The following ITPR1 variants were observed in gnomAD, a reference collection of about 807,000 sequenced individuals.
ITPR1 encodes the protein inositol 1,4,5-trisphosphate-gated calcium channel ITPR1.
In ITPR1, 96 loss-of-function variants were observed where a neutral mutation model predicts 318.4. The ratio of observed to expected loss-of-function variants is 0.30; its 90% CI spans 0.26 to 0.36. ITPR1 has a LOEUF of 0.36. Ranked by LOEUF, ITPR1 falls within the 10% of genes least tolerant of loss-of-function variation. ITPR1 has a pLI of 1.00. For missense variants in ITPR1, 2,440 were observed against 3,460.2 expected (o/e 0.71, Z 7.40); for synonymous variants, 1,312 against 1,289.9 (o/e 1.02, Z -0.37).
intron 40 of ITPR1, among the ~76,000 whole-genome samples, chr3:4,723,628 C>G (rs956579147): frequency 2.6e-5 from 4 of 151,452 alleles, no homozygotes; most frequent in African/African-American, 9.7e-5. Context: ...CTTCTCTGGA[C>G]AAAGAGAGCA....
intron 3 of ITPR1, among the ~76,000 whole-genome samples, chr3:4,520,715 C>T (rs2082497270): frequency 6.6e-6 from 1 of 152,226 alleles, no homozygotes; most frequent in South Asian, 2.1e-4. Flanking sequence ...TTGAATGCAA[C>T]AGCCCCTTGC....
chr3:4,571,338 C>G (rs565996093), intron 4 of ITPR1, among the ~76,000 whole-genome samples: 7 of 151,992 alleles, frequency 4.6e-5, no homozygotes, highest in African/African-American at 1.7e-4. Flanking sequence ...TCTTCTCTTC[C>G]CTTTTTTTCT....
At chr3:4,557,873 T>C (rs2086286796) in intron 4 of ITPR1, among the ~76,000 whole-genome samples, 1 of 152,226 alleles carries the variant, frequency 6.6e-6, no homozygotes, top group Non-Finnish European at 1.5e-5. Flanking sequence ...ATGGTTATTT[T>C]AGCGCTCACT....
intron 34 of ITPR1, among the ~76,000 whole-genome samples, chr3:4,698,284 A>T (rs753985174): frequency 2.0e-4 from 9 of 43,934 alleles, no homozygotes; most frequent in Non-Finnish European, 3.3e-4. Context: ...CTGTATGATT[A>T]CTAGTGTGAG....
Position 4,545,298 on chromosome 3 carries a change from A to G in ITPR1, c.163+24204A>G, listed in dbSNP as rs1001677383. 5.9e-5 allele frequency among the ~76,000 whole-genome samples: 9 copies of G among 152,236 alleles called. No individual in the cohort carries two copies. In the East Asian group the frequency reaches 7.7e-4, roughly 13 times the overall value. ...TGGAAACTTTCCTGTTCTTATTTCT[A>G]TACTTGTATATGGAGGCTGCTTATG... On this transcript the variant is annotated intron_variant, in intron 4 of 61. Coordinates refer to ENST00000649015, the MANE Select transcript of ITPR1 (RefSeq NM_001378452.1).
chr3:4,746,725 C>T (rs1483149208), intron 44 of ITPR1, among the ~76,000 whole-genome samples: 1 of 152,192 alleles, frequency 6.6e-6, no homozygotes, highest in Non-Finnish European at 1.5e-5. Flanking sequence ...GTGGATACTC[C>T]TACTGTATAA....
rs1414635345 is a variant in ITPR1, at chr3:4,826,499, C to T, written c.8028+8257C>T. ...TGAAGAGGGATTTGGCACTGGCTTC[C>T]CGGTGGCTGGAAACAGTGTGTCAGC... On this transcript the variant is annotated intron_variant, in intron 60 of 61. Transcript: ENST00000649015. This position sits in a 1 kb window ranked among gnomAD's most constrained non-coding sequence, Gnocchi z 4.2. 3.3e-5 allele frequency among the ~76,000 whole-genome samples: 5 copies of T among 152,150 alleles called. No individual in the cohort carries two copies. The highest frequency in any genetic ancestry group is 7.2e-5 in the African/African-American group (3 of 41,426).
chr3:4,795,833 A>G (rs779742090), intron 53 of ITPR1, among the ~76,000 whole-genome samples: 1 of 152,168 alleles, frequency 6.6e-6, no homozygotes, highest in African/African-American at 2.4e-5. Flanking sequence ...GACAATTTGG[A>G]GGTGGGCATT....
chr3:4,778,663 G>A (rs1309437265), intron 48 of ITPR1, among the ~76,000 whole-genome samples: 1 of 152,148 alleles, frequency 6.6e-6, no homozygotes, highest in African/African-American at 2.4e-5. Context: ...TTATCAGAAA[G>A]TCCGAAATAA....
chr3:4,687,995 G>A (rs1034994595), intron 30 of ITPR1, among the ~76,000 whole-genome samples: 4 of 152,174 alleles, frequency 2.6e-5, no homozygotes, highest in African/African-American at 4.8e-5. Flanking sequence ...ACTACTCAGC[G>A]TCAGTGAGGA....
chr3:4,804,829 C>T (rs1343910290), intron 54 of ITPR1, among the ~76,000 whole-genome samples: 1 of 152,168 alleles, frequency 6.6e-6, no homozygotes, highest in Non-Finnish European at 1.5e-5. Context: ...TCGGCTTCCT[C>T]GCTTATCTGA....
chr3:4,836,748 T>TAA, intron 60 of ITPR1, 26 bp from the exon 61 acceptor site: 3 of 1,236,378 alleles, frequency 2.4e-6, no homozygotes, highest in South Asian at 5.6e-5. Context: ...TTTTTTTTTT[T>TAA]TTTTTTTTTT....
chr3:4,800,704 T>C, intron 54 of ITPR1, 104 bp downstream of exon 54: 2 of 1,224,926 alleles, frequency 1.6e-6, no homozygotes, highest in South Asian at 2.7e-5. Context: ...GTCCAGAAAA[T>C]TATTGTTTGG....
intron 60 of ITPR1, among the ~76,000 whole-genome samples, chr3:4,821,514 G>T (rs2049716266): frequency 6.6e-6 from 1 of 152,204 alleles, no homozygotes; most frequent in South Asian, 2.1e-4. Context: ...TTTATCTGGG[G>T]CACTGTATTG....
chr3:4,644,273 T>G, intron 8 of ITPR1, 39 bp downstream of exon 8: 1 of 1,426,492 alleles, frequency 7.0e-7, no homozygotes, highest in Non-Finnish European at 9.7e-7. Flanking sequence ...GTGGTTATCC[T>G]GCAGGAGCGG....
At chr3:4,573,507 T>A (rs904941129) in intron 4 of ITPR1, among the ~76,000 whole-genome samples, 1 of 152,218 alleles carries the variant, frequency 6.6e-6, no homozygotes, top group Non-Finnish European at 1.5e-5. Flanking sequence ...CTACATATTG[T>A]CATTCCTCTG....
intron 20 of ITPR1, 142 bp from the exon 21 acceptor site, chr3:4,672,994 C>A: frequency 1.2e-6 from 1 of 827,468 alleles, no homozygotes; most frequent in Non-Finnish European, 1.8e-6. Flanking sequence ...TCCTGGTATA[C>A]AAGAGCAATT....
intron 4 of ITPR1, among the ~76,000 whole-genome samples, chr3:4,612,876 G>A (rs2092219379): frequency 6.6e-6 from 1 of 152,182 alleles, no homozygotes; most frequent in African/African-American, 2.4e-5. Flanking sequence ...GACAGAGTGA[G>A]ACTGCATCTC....
chr3:4,813,640 T>C (rs2049085972), intron 57 of ITPR1, among the ~76,000 whole-genome samples: 1 of 152,028 alleles, frequency 6.6e-6, no homozygotes, highest in Non-Finnish European at 1.5e-5. Flanking sequence ...AAAAGGAGAC[T>C]CTTGATATTC....
Sources: allele counts gnomAD v4.1 joint callset (sites outside exome capture counted in the v4.1 genomes callset), GRCh38; gene constraint gnomAD v4.1.1; non-coding constraint Gnocchi (gnomAD v3.1); transcripts MANE v1.5; gene names NCBI Gene and HGNC (gene_info 2026-07-23, HGNC 2026-07-21).